SPTLC2: variants seen among roughly 807,000 people sequenced by gnomAD.
SPTLC2 encodes the protein serine palmitoyltransferase 2.
In SPTLC2, 21 loss-of-function variants were observed where a neutral mutation model predicts 62.0. That is an observed-to-expected ratio of 0.34 (90% CI 0.24 to 0.49). SPTLC2 has a LOEUF of 0.49. Ranked by LOEUF, SPTLC2 falls within the 20% of genes least tolerant of loss-of-function variation. The probability of loss-of-function intolerance (pLI) is 0.99; values close to 1 mark genes in which losing one functional copy is unlikely to be tolerated. For synonymous variants in SPTLC2, 261 were observed against 261.8 expected (o/e 1.00, Z 0.03); for missense variants, 511 against 713.0 (o/e 0.72, Z 3.23).
chr14:77,589,830 T>C (rs2079805767), intron 2 of SPTLC2, among the ~76,000 whole-genome samples: 1 of 145,774 alleles, frequency 6.9e-6, no homozygotes, highest in South Asian at 2.2e-4. Context: ...TACAAAAAAT[T>C]AGCTGGGCGT....
chr14:77,544,108 T>A (rs1406429270), intron 9 of SPTLC2, among the ~76,000 whole-genome samples: 2 of 152,090 alleles, frequency 1.3e-5, no homozygotes, highest in African/African-American at 2.4e-5. Context: ...GCTGGGTTTG[T>A]GCAATCCTCC....
chr14:77,522,240 T>C (rs1273905648), intron 9 of SPTLC2, among the ~76,000 whole-genome samples: 3 of 152,132 alleles, frequency 2.0e-5, no homozygotes, highest in Non-Finnish European at 2.9e-5. Flanking sequence ...CTTGGCTCAC[T>C]GCAATCTCTG....
At chr14:77,604,985 G>C (rs970671834) in intron 1 of SPTLC2, among the ~76,000 whole-genome samples, 2 of 151,380 alleles carry the variant, frequency 1.3e-5, no homozygotes, top group Non-Finnish European at 2.9e-5. Context: ...TGGCCACTTT[G>C]ACTTTCTACT....
rs1029540018 is a variant in SPTLC2 at position 77,511,493 on chromosome 14, C to A, written c.*791G>T. ...CTCAGATGTGAGAGTGGCCTTCTCA[C>A]CAGGGTGGGATATGGGTGCTCTGAA... On this transcript the variant is annotated 3_prime_UTR_variant, in exon 12 of 12. Coordinates refer to ENST00000216484, the MANE Select transcript of SPTLC2 (RefSeq NM_004863.4). The A allele has an allele frequency of 2.0e-5, 3 of 152,700 alleles. No individual in the cohort carries two copies. The highest frequency in any genetic ancestry group is 7.2e-5 in the African/African-American group (3 of 41,420). 9.5% of individuals were successfully genotyped at this position (152,700 alleles called of 1,614,324 possible).
chr14:77,568,975 C>T (rs931826363), intron 5 of SPTLC2, among the ~76,000 whole-genome samples: 1 of 152,268 alleles, frequency 6.6e-6, no homozygotes, highest in East Asian at 1.9e-4. Flanking sequence ...CAGACCCTGG[C>T]GATGACCTTG....
At chr14:77,608,160 T>C (rs1367493938) in intron 1 of SPTLC2, among the ~76,000 whole-genome samples, 1 of 152,132 alleles carries the variant, frequency 6.6e-6, no homozygotes, top group African/African-American at 2.4e-5. Context: ...CCCCAGGACC[T>C]TCTCTGGCCT....
At chr14:77,534,588 T>C (rs866454140) in intron 9 of SPTLC2, among the ~76,000 whole-genome samples, 2 of 141,128 alleles carry the variant, frequency 1.4e-5, no homozygotes, top group South Asian at 2.4e-4. Context: ...CATATTTCAG[T>C]ACACACACAC....
intron 1 of SPTLC2, among the ~76,000 whole-genome samples, chr14:77,611,327 G>T (rs1035226256): frequency 1.3e-5 from 2 of 151,128 alleles, no homozygotes; most frequent in Admixed American, 6.6e-5. Flanking sequence ...GCCCACTGTA[G>T]TGGTGCACAC....
At chr14:77,583,711 T>C (rs983335553) in intron 2 of SPTLC2, among the ~76,000 whole-genome samples, 2 of 152,154 alleles carry the variant, frequency 1.3e-5, no homozygotes, top group African/African-American at 4.8e-5. Flanking sequence ...AACTGGGCAC[T>C]GGGAATAAAA....
Position 77,579,832 on chromosome 14 carries a change from C to G in SPTLC2, c.328-723G>C, listed in dbSNP as rs1410445929. Among the ~76,000 whole-genome samples the G allele has an allele frequency of 4.9e-4, 75 of 152,282 alleles. 1 individual carries two copies. The highest frequency in any genetic ancestry group is 4.4e-5 in the Non-Finnish European group (3 of 68,014). ...CACAACTCTTATCAGATAAAAGTCA[C>G]TTAACTTTAATAGTTGACATATATT... On this transcript the variant is annotated intron_variant, in intron 2 of 11. Coordinates refer to ENST00000216484, the MANE Select transcript of SPTLC2 (RefSeq NM_004863.4).
intron 5 of SPTLC2, among the ~76,000 whole-genome samples, chr14:77,565,242 C>CAAAAAAAAAAAAA (rs59356054): frequency 3.0e-5 from 1 of 33,692 alleles, no homozygotes. Flanking sequence ...AACTCCATCT[C>CAAAAAAAAAAAAA]AAAAAAAAAA....
At chr14:77,582,160 C>T (rs2079755254) in intron 2 of SPTLC2, among the ~76,000 whole-genome samples, 1 of 151,878 alleles carries the variant, frequency 6.6e-6, no homozygotes, top group African/African-American at 2.4e-5. Flanking sequence ...TCAAGTGATT[C>T]TCCTGTCTCA....
At chr14:77,599,009 C>G (rs139699320) in intron 1 of SPTLC2, among the ~76,000 whole-genome samples, 1 of 151,936 alleles carries the variant, frequency 6.6e-6, no homozygotes, top group East Asian at 1.9e-4. Context: ...TAGTAACTGA[C>G]ATGAATTTTT....
chr14:77,552,609 T>C (rs2079561389), intron 8 of SPTLC2, among the ~76,000 whole-genome samples: 1 of 151,964 alleles, frequency 6.6e-6, no homozygotes. Flanking sequence ...AGTTCAAGAC[T>C]GGCCTGACCA....
chr14:77,570,418 G>A lies in SPTLC2; in HGVS notation c.722C>T (p.Thr241Met), dbSNP rs573390475. Residue 241 changes from threonine to methionine, a missense_variant, in exon 5 of 12, where the codon ACG becomes ATG. Thr to Met is a moderately conservative substitution (Grantham distance 81). Coordinates refer to ENST00000216484, the MANE Select transcript of SPTLC2 (RefSeq NM_004863.4). ...AAMAYGMGFA[T>M]NSMNIPALVG... The stretch of plus-strand genomic sequence containing the variant: ...AAGAGCAGGAATGTTCATTGAATTC[G>A]TTGCAAATCCCATGCCATACGCCAT... 2.0e-5 allele frequency: 33 copies of A among 1,613,670 alleles called. No homozygotes were observed. The highest frequency in any genetic ancestry group is 2.6e-5 in the Non-Finnish European group (31 of 1,179,942).
intron 9 of SPTLC2, among the ~76,000 whole-genome samples, chr14:77,541,568 A>C (rs1420454803): frequency 6.6e-6 from 1 of 152,200 alleles, no homozygotes; most frequent in East Asian, 1.9e-4. Flanking sequence ...GTAGGTCATC[A>C]AATTTTCTTT....
chr14:77,511,045 A>G lies in SPTLC2; in HGVS notation c.*1239T>C, dbSNP rs1207370265. On this transcript the variant is annotated 3_prime_UTR_variant, in exon 12 of 12. Coordinates refer to ENST00000216484, the MANE Select transcript of SPTLC2 (RefSeq NM_004863.4). ...TAGAAAATGTCAGTTTAGGAAAGAG[A>G]TCTATGTGTTCAGAATTTCTCAGAA... The G allele has an allele frequency of 6.6e-6, 1 of 152,398 alleles. No individual in the cohort carries two copies. The highest frequency in any genetic ancestry group is 1.5e-5 in the Non-Finnish European group (1 of 68,030). 9.4% of individuals were successfully genotyped at this position (152,398 alleles called of 1,614,324 possible).
chr14:77,521,795 T>C (rs1405082409), intron 9 of SPTLC2, among the ~76,000 whole-genome samples: 1 of 152,210 alleles, frequency 6.6e-6, no homozygotes, highest in Non-Finnish European at 1.5e-5. Context: ...CAGCAGAAGT[T>C]ATAATAATGT....
At chr14:77,600,386 A>C (rs1177263789) in intron 1 of SPTLC2, among the ~76,000 whole-genome samples, 1 of 152,214 alleles carries the variant, frequency 6.6e-6, no homozygotes, top group Non-Finnish European at 1.5e-5. Context: ...TGGGCACGCC[A>C]ACTGACACGC....
Sources: gnomAD v4.1 joint callset for allele counts (sites outside exome capture counted in the v4.1 genomes callset) on GRCh38, gnomAD v4.1.1 for gene constraint, MANE v1.5 for transcripts, NCBI Gene and HGNC (gene_info 2026-07-23, HGNC 2026-07-21) for gene names.